The following FBXO4 variants were observed in gnomAD, a reference collection of about 807,000 sequenced individuals.
The protein encoded by FBXO4 is F-box only protein 4.
In FBXO4, 36 loss-of-function variants were observed where a neutral mutation model predicts 43.7. The ratio of observed to expected loss-of-function variants is 0.82; its 90% CI spans 0.63 to 1.09. The LOEUF is 1.09. FBXO4 is among the 50% of genes least tolerant of loss of function. The pLI, the probability that FBXO4 is intolerant of heterozygous loss-of-function variation, is 0.00. For missense variants in FBXO4, 435 were observed against 474.1 expected (o/e 0.92, Z 0.77); for synonymous variants, 180 against 165.6 (o/e 1.09, Z -0.67).
the FBXO4 span, among the ~76,000 whole-genome samples, chr5:41,990,920 C>G: frequency 6.6e-6 from 1 of 152,126 alleles, no homozygotes; most frequent in Non-Finnish European, 1.5e-5. Flanking sequence ...AACTCCTTCC[C>G]TTTTGTAGTC....
chr5:42,026,195 G>C, the FBXO4 span, among the ~76,000 whole-genome samples: 1 of 151,624 alleles, frequency 6.6e-6, no homozygotes, highest in East Asian at 1.9e-4. Context: ...CCATTTTTTG[G>C]TGTCCTCTTC....
chr5:42,029,957 G>A, the FBXO4 span, among the ~76,000 whole-genome samples: 1 of 152,040 alleles, frequency 6.6e-6, no homozygotes, highest in East Asian at 1.9e-4. Flanking sequence ...AAACAAAAGA[G>A]GATACAAACA....
chr5:42,003,699 T>A, the FBXO4 span, among the ~76,000 whole-genome samples: 1 of 111,604 alleles, frequency 9.0e-6, no homozygotes, highest in Non-Finnish European at 1.7e-5. Context: ...CCCCAGTGTG[T>A]GATGTTCCCC....
At chr5:41,977,418 C>A in the FBXO4 span, among the ~76,000 whole-genome samples, 1 of 152,182 alleles carries the variant, frequency 6.6e-6, no homozygotes, top group Non-Finnish European at 1.5e-5. Context: ...TATCTGATTG[C>A]AGGCTGTTAG....
At position 41,934,196 on chromosome 5, in the gene FBXO4, C is replaced by A. The variant is rs1273165731; in HGVS notation, c.786C>A (p.His262Gln). The change falls in exon 5 of 7, where the codon CAC (histidine) becomes CAA (glutamine). Residue 262 changes from histidine (H) to glutamine (Q), a missense_variant. Transcript: ENST00000281623. ...TSAVNKMFSR[H>Q]NEGDDQQGSR... Reference sequence around the variant, plus strand: ...CAGTTAACAAGATGTTCAGTCGACACAATGAAGGTGATGATCAACAAGGAA... The same window carrying A: ...CAGTTAACAAGATGTTCAGTCGACAAAATGAAGGTGATGATCAACAAGGAA... The A allele has an allele frequency of 6.2e-7, 1 of 1,614,000 alleles. No homozygotes were observed. The highest frequency in any genetic ancestry group is 1.7e-5 in the Admixed American group (1 of 60,012).
chr5:42,001,467 A>G, the FBXO4 span, among the ~76,000 whole-genome samples: 1 of 152,120 alleles, frequency 6.6e-6, no homozygotes, highest in Admixed American at 6.5e-5. Context: ...CTTGACCTGA[A>G]GTGATCCACC....
At chr5:41,975,205 T>G in the FBXO4 span, among the ~76,000 whole-genome samples, 1 of 152,262 alleles carries the variant, frequency 6.6e-6, no homozygotes. Flanking sequence ...CAATTCTAGC[T>G]GAATTATTCT....
the FBXO4 span, among the ~76,000 whole-genome samples, chr5:42,030,399 G>A: frequency 7.9e-5 from 12 of 151,990 alleles, no homozygotes; most frequent in African/African-American, 2.9e-4. Context: ...AAACTGGCTA[G>A]CCATATGTAG....
the FBXO4 span, among the ~76,000 whole-genome samples, chr5:42,029,878 T>G: frequency 1.3e-5 from 2 of 152,080 alleles, no homozygotes; most frequent in Admixed American, 6.6e-5. Flanking sequence ...TATCTTGAAT[T>G]TTTTGGAGTT....
chr5:42,005,368 G>T, the FBXO4 span, among the ~76,000 whole-genome samples: 1 of 152,150 alleles, frequency 6.6e-6, no homozygotes, highest in Admixed American at 6.6e-5. Flanking sequence ...GCACTCTAAT[G>T]CAGTGCTTCC....
chr5:42,036,810 C>A, the FBXO4 span, among the ~76,000 whole-genome samples: 1 of 152,112 alleles, frequency 6.6e-6, no homozygotes, highest in South Asian at 2.1e-4. Flanking sequence ...TAGACAGTTA[C>A]AAGCTTTTTT....
the FBXO4 span, among the ~76,000 whole-genome samples, chr5:41,998,594 C>A: frequency 6.6e-6 from 1 of 152,298 alleles, no homozygotes; most frequent in East Asian, 1.9e-4. Context: ...TGCAGAGTCC[C>A]TACTTAGTGG....
At chr5:41,969,063 G>C in the FBXO4 span, among the ~76,000 whole-genome samples, 1 of 152,204 alleles carries the variant, frequency 6.6e-6, no homozygotes, top group Admixed American at 6.5e-5. Flanking sequence ...AAATGGTTTT[G>C]TCCCTGTCTT....
chr5:42,010,522 AG>A, the FBXO4 span, among the ~76,000 whole-genome samples: 2 of 151,370 alleles, frequency 1.3e-5, no homozygotes, highest in South Asian at 2.1e-4. Context: ...AAAAAAAAAA[AG>A]AATTTACTTC....
chr5:41,972,744 C>T, the FBXO4 span, among the ~76,000 whole-genome samples: 20 of 152,034 alleles, frequency 1.3e-4, no homozygotes, highest in Non-Finnish European at 1.9e-4. Context: ...ACCAATGGAA[C>T]GAGCTAGAAA....
At chr5:42,009,545 T>C in the FBXO4 span, among the ~76,000 whole-genome samples, 11 of 152,170 alleles carry the variant, frequency 7.2e-5, no homozygotes, top group African/African-American at 2.7e-4. Flanking sequence ...TGAATCACAA[T>C]GGGCTAAGTG....
intron 5 of FBXO4, chr5:41,934,834 A>G (rs1247330625): frequency 1.5e-5 from 15 of 988,164 alleles, no homozygotes; most frequent in Non-Finnish European, 1.8e-5. Context: ...ATTGCCATTC[A>G]GAATGCTATT....
At chr5:42,030,213 A>C in the FBXO4 span, among the ~76,000 whole-genome samples, 1 of 152,134 alleles carries the variant, frequency 6.6e-6, no homozygotes, top group African/African-American at 2.4e-5. Flanking sequence ...ACTATACTAC[A>C]AGGCTACAGT....
chr5:41,952,590 C>T, the FBXO4 span, among the ~76,000 whole-genome samples: 1 of 152,224 alleles, frequency 6.6e-6, no homozygotes, highest in East Asian at 1.9e-4. Context: ...GAACTTTGTG[C>T]CTTTTAGCTG....
Sources: gnomAD v4.1 joint callset for allele counts (sites outside exome capture counted in the v4.1 genomes callset) on GRCh38, gnomAD v4.1.1 for gene constraint, MANE v1.5 for transcripts, NCBI Gene and HGNC (gene_info 2026-07-23, HGNC 2026-07-21) for gene names.